SCRG1: variants seen among roughly 807,000 people sequenced by gnomAD.
The protein encoded by SCRG1 is stimulator of chondrogenesis 1, also known as scrapie-responsive protein 1.
A neutral mutation model predicts 7.7 loss-of-function variants in SCRG1; 3 were observed. The observed-to-expected ratio is 0.39, with a 90% CI of 0.18 to 1.01. SCRG1 has a LOEUF of 1.01. Ranked by LOEUF, SCRG1 falls within the 50% of genes least tolerant of loss-of-function variation. SCRG1 has a pLI of 0.36. For synonymous variants in SCRG1, 46 were observed against 41.2 expected, an observed-to-expected ratio of 1.12 and a Z score of -0.44; for missense variants, 110 against 117.2, an observed-to-expected ratio of 0.94 and a Z score of 0.28.
the SCRG1 span, among the ~76,000 whole-genome samples, chr4:173,458,013 A>G: frequency 1.3e-5 from 2 of 152,246 alleles, no homozygotes; most frequent in Non-Finnish European, 2.9e-5. Context: ...GGCAGGCATG[A>G]GAGCACTCTC....
the SCRG1 span, among the ~76,000 whole-genome samples, chr4:173,463,691 A>C: frequency 6.6e-6 from 1 of 152,050 alleles, no homozygotes; most frequent in Admixed American, 6.6e-5. Flanking sequence ...TATCTTGGTC[A>C]TTTTCCTCTG....
At chr4:173,485,097 A>ATATAT in the SCRG1 span, among the ~76,000 whole-genome samples, 1 of 12,016 alleles carries the variant, frequency 8.3e-5, no homozygotes, top group Non-Finnish European at 2.2e-4. Flanking sequence ...ATTATATATT[A>ATATAT]TATATTATAT....
At chr4:173,514,919 C>T in the SCRG1 span, among the ~76,000 whole-genome samples, 1 of 152,188 alleles carries the variant, frequency 6.6e-6, no homozygotes, top group Non-Finnish European at 1.5e-5. Flanking sequence ...GCAATAATAT[C>T]TATTCTATCC....
the SCRG1 span, among the ~76,000 whole-genome samples, chr4:173,503,893 G>A: frequency 6.6e-6 from 1 of 152,230 alleles, no homozygotes; most frequent in Non-Finnish European, 1.5e-5. This position sits in a 1 kb window ranked among gnomAD's most constrained non-coding sequence, Gnocchi z 6.4. Context: ...TAAACCTCCT[G>A]CAGGGGAAGA....
chr4:173,460,893 C>A, the SCRG1 span, among the ~76,000 whole-genome samples: 1 of 152,162 alleles, frequency 6.6e-6, no homozygotes, highest in Admixed American at 6.5e-5. Context: ...ACTTAAGAGA[C>A]CTTGGGCCTT....
At chr4:173,414,688 T>A in the SCRG1 span, among the ~76,000 whole-genome samples, 1 of 152,248 alleles carries the variant, frequency 6.6e-6, no homozygotes, top group African/African-American at 2.4e-5. Flanking sequence ...TCTTGTCAGC[T>A]GTGTTCACAG....
chr4:173,435,456 C>T, the SCRG1 span, among the ~76,000 whole-genome samples: 1 of 152,168 alleles, frequency 6.6e-6, no homozygotes, highest in Non-Finnish European at 1.5e-5. Flanking sequence ...GTGCCCTGCT[C>T]TCAGGATGCT....
the SCRG1 span, among the ~76,000 whole-genome samples, chr4:173,418,907 C>T: frequency 2.0e-5 from 3 of 152,166 alleles, no homozygotes; most frequent in Admixed American, 6.5e-5. Flanking sequence ...TTCCTGAAGC[C>T]TCCCAGTCAT....
At chr4:173,476,520 T>G in the SCRG1 span, among the ~76,000 whole-genome samples, 1 of 151,936 alleles carries the variant, frequency 6.6e-6, no homozygotes, top group Non-Finnish European at 1.5e-5. Flanking sequence ...ACCCAATGCC[T>G]TGGTTCTGTG....
At chr4:173,485,790 T>C in the SCRG1 span, among the ~76,000 whole-genome samples, 1 of 151,990 alleles carries the variant, frequency 6.6e-6, no homozygotes, top group East Asian at 1.9e-4. Flanking sequence ...TTCAACATGG[T>C]GAAACCCCGC....
the SCRG1 span, among the ~76,000 whole-genome samples, chr4:173,489,747 T>C: frequency 6.6e-6 from 1 of 152,154 alleles, no homozygotes; most frequent in Non-Finnish European, 1.5e-5. Flanking sequence ...AACCATGCTG[T>C]TTGCTTAAGA....
upstream of SCRG1, among the ~76,000 whole-genome samples, chr4:173,409,662 C>G (rs912497674): frequency 2.7e-5 from 4 of 147,700 alleles, no homozygotes; most frequent in Admixed American, 2.8e-4. Flanking sequence ...AATCTCAGCT[C>G]ACTGCAACCT....
the SCRG1 span, among the ~76,000 whole-genome samples, chr4:173,441,479 C>T: frequency 6.6e-6 from 1 of 152,180 alleles, no homozygotes; most frequent in Non-Finnish European, 1.5e-5. Context: ...CTGATTCTAA[C>T]TGTGAACATG....
At chr4:173,440,190 G>A in the SCRG1 span, among the ~76,000 whole-genome samples, 60 of 152,130 alleles carry the variant, frequency 3.9e-4, no homozygotes, top group African/African-American at 1.3e-3. Flanking sequence ...TATGTTTACC[G>A]TAAAGAATTT....
At chr4:173,515,648 T>A in the SCRG1 span, among the ~76,000 whole-genome samples, 1 of 151,988 alleles carries the variant, frequency 6.6e-6, no homozygotes, top group African/African-American at 2.4e-5. This position sits in a 1 kb window ranked among gnomAD's most constrained non-coding sequence, Gnocchi z 4.6. Flanking sequence ...GGTCAGGCTG[T>A]GCGGGGAGGT....
At chr4:173,479,347 T>G in the SCRG1 span, among the ~76,000 whole-genome samples, 45 of 152,310 alleles carry the variant, frequency 3.0e-4, no homozygotes, top group East Asian at 7.5e-3. Flanking sequence ...AATTTTAGGT[T>G]GAATATACCC....
At chr4:173,424,844 G>A in the SCRG1 span, among the ~76,000 whole-genome samples, 3 of 148,546 alleles carry the variant, frequency 2.0e-5, no homozygotes, top group Non-Finnish European at 4.5e-5. Flanking sequence ...GGGAGACAGA[G>A]GTTGTGGCAA....
At chr4:173,433,058 T>A in the SCRG1 span, among the ~76,000 whole-genome samples, 7 of 152,226 alleles carry the variant, frequency 4.6e-5, no homozygotes, top group Non-Finnish European at 7.3e-5. Flanking sequence ...AGATATTCTG[T>A]TTTTCTTCCC....
At chr4:173,403,980 A>G (rs1161759394), upstream of SCRG1, 1 of 152,666 alleles carries the variant, frequency 6.6e-6, no homozygotes, top group Non-Finnish European at 1.5e-5. Flanking sequence ...GATAATAGCA[A>G]TGATACTAGT....
Sources: gnomAD v4.1 joint callset for allele counts (sites outside exome capture counted in the v4.1 genomes callset) on GRCh38, gnomAD v4.1.1 for gene constraint, Gnocchi (gnomAD v3.1) non-coding constraint, MANE v1.5 for transcripts, NCBI Gene and HGNC (gene_info 2026-07-23, HGNC 2026-07-21) for gene names.